GRIN2B: variants seen among roughly 807,000 people sequenced by gnomAD.
GRIN2B encodes the protein glutamate ionotropic receptor NMDA type subunit 2B.
Under a neutral mutation model 114.5 loss-of-function variants are expected in GRIN2B, and 5 were observed. The ratio of observed to expected loss-of-function variants is 0.04; its 90% CI spans 0.02 to 0.09. The LOEUF is 0.09. Among genes scored for constraint, GRIN2B ranks in the 10% least tolerant of loss-of-function variants. The probability of loss-of-function intolerance (pLI) is 1.00; values close to 1 mark genes in which losing one functional copy is unlikely to be tolerated. For synonymous variants in GRIN2B, 787 were observed against 745.1 expected, an observed-to-expected ratio of 1.06 and a Z score of -0.92; for missense variants, 1,108 against 1,943.5, an observed-to-expected ratio of 0.57 and a Z score of 8.08.
At chr12:13,879,746 C>T (rs1054202035) in intron 2 of GRIN2B, among the ~76,000 whole-genome samples, 4 of 152,236 alleles carry the variant, frequency 2.6e-5, no homozygotes, top group African/African-American at 9.6e-5. Flanking sequence ...ACAGTCAGTG[C>T]CTCCTTGTCC....
rs1948379360 is a variant in GRIN2B at position 13,548,941 on chromosome 12, C to G, written c.*13842G>C. 1.3e-5 allele frequency: 2 copies of G among 151,912 alleles called. No individual in the cohort carries two copies. Among genetic ancestry groups the G allele is most frequent in the Admixed American group, 1.3e-4 (2 of 15,240 alleles). 9.4% of individuals were successfully genotyped at this position (151,912 alleles called of 1,614,324 possible). Reference sequence around the variant, plus strand: ...TATAGAAGTCTCCTCACTCATTCATCTAAGGACTTTTCCATCTTCCTACCT... The same window carrying G: ...TATAGAAGTCTCCTCACTCATTCATGTAAGGACTTTTCCATCTTCCTACCT... On this transcript the variant is annotated 3_prime_UTR_variant, in exon 14 of 14. Transcript: ENST00000609686.
chr12:13,892,332 T>C (rs10492142), intron 2 of GRIN2B, among the ~76,000 whole-genome samples: 16,674 of 152,310 alleles, frequency 0.11, 1,603 homozygotes, highest in East Asian at 0.43. Flanking sequence ...TTTATGCTTA[T>C]ATGTCAAATC....
At chr12:13,801,436 G>T (rs1864510811) in intron 3 of GRIN2B, among the ~76,000 whole-genome samples, 1 of 152,134 alleles carries the variant, frequency 6.6e-6, no homozygotes, top group Admixed American at 6.6e-5. Flanking sequence ...AGAGCAAGAA[G>T]TCAAGAGAGT....
Position 13,859,525 on chromosome 12 carries a change from C to T in GRIN2B, c.411+6273G>A, listed in dbSNP as rs77099060. ...GTTTCCAGTGCCTTAGAGAGCACTGCCTACCCATCTTTCCCCAAAATATAG... is the reference window on the plus strand; with the variant it reads ...GTTTCCAGTGCCTTAGAGAGCACTGTCTACCCATCTTTCCCCAAAATATAG... On this transcript the variant is annotated intron_variant, in intron 3 of 13. Coordinates refer to ENST00000609686, the MANE Select transcript of GRIN2B (RefSeq NM_000834.5). 6.6e-3 allele frequency among the ~76,000 whole-genome samples: 1,008 copies of T among 152,306 alleles called. 15 individuals are homozygous for T. Among genetic ancestry groups the T allele is most frequent in the African/African-American group, 0.023 (964 of 41,560 alleles).
chr12:13,832,266 T>C (rs1407051496), intron 3 of GRIN2B, among the ~76,000 whole-genome samples: 1 of 152,260 alleles, frequency 6.6e-6, no homozygotes, highest in Non-Finnish European at 1.5e-5. Flanking sequence ...TCTGTGCTAC[T>C]TTTCATTCAG....
chr12:13,611,937 G>T, intron 8 of GRIN2B, 87 bp from the exon 9 acceptor site: 2 of 1,406,268 alleles, frequency 1.4e-6, no homozygotes, highest in African/African-American at 2.8e-5. Context: ...CATATTTTAG[G>T]GGGTGGGGAA....
intron 5 of GRIN2B, among the ~76,000 whole-genome samples, chr12:13,633,024 A>G (rs1160799180): frequency 6.6e-6 from 1 of 152,184 alleles, no homozygotes; most frequent in Non-Finnish European, 1.5e-5. Context: ...CCCTGCTGTC[A>G]GGTGACATTT....
At chr12:13,846,960 G>A (rs1865482723) in intron 3 of GRIN2B, among the ~76,000 whole-genome samples, 1 of 152,116 alleles carries the variant, frequency 6.6e-6, no homozygotes, top group African/African-American at 2.4e-5. Flanking sequence ...AGTGCAGGCA[G>A]AGGAAGGTTA....
chr12:13,699,274 G>T (rs1950290122), intron 4 of GRIN2B, among the ~76,000 whole-genome samples: 1 of 152,134 alleles, frequency 6.6e-6, no homozygotes. Flanking sequence ...GCAGTGCATT[G>T]TTGTGCTACA....
In GRIN2B at chr12:13,933,058, G is replaced by A. The variant is rs1040533733; in HGVS notation, c.-19+46870C>T. ...GGGCAGCTTCTCTTCCATAGCTACA[G>A]CTTACAGCTCTCACCAGACCCCTGA... On this transcript the variant is annotated intron_variant, in intron 2 of 13. Coordinates refer to ENST00000609686, the MANE Select transcript of GRIN2B (RefSeq NM_000834.5). Among the ~76,000 whole-genome samples, 18 of 151,922 alleles carry A rather than the reference G, an allele frequency of 1.2e-4. 1 individual carries two copies. The South Asian group carries it at 3.8e-3, about 32-fold the overall frequency.
At chr12:13,678,672 A>G (rs1950099420) in intron 4 of GRIN2B, among the ~76,000 whole-genome samples, 1 of 152,096 alleles carries the variant, frequency 6.6e-6, no homozygotes, top group South Asian at 2.1e-4. Flanking sequence ...CTCAGCTCTC[A>G]GCCCAGAGCG....
chr12:13,826,640 C>CT (rs538123942), intron 3 of GRIN2B, among the ~76,000 whole-genome samples: 5 of 151,262 alleles, frequency 3.3e-5, no homozygotes, highest in African/African-American at 7.3e-5. Flanking sequence ...TTGTTGTTTT[C>CT]TTTTTTTTAG....
intron 10 of GRIN2B, among the ~76,000 whole-genome samples, chr12:13,576,180 G>C (rs1273798727): frequency 6.6e-6 from 1 of 152,144 alleles, no homozygotes; most frequent in Non-Finnish European, 1.5e-5. Context: ...ACTGTCATTG[G>C]AACTTGAACT....
chr12:13,563,780 TC>T lies in GRIN2B; in HGVS notation c.3457del (p.Asp1153ThrfsTer49). On this transcript the variant is annotated frameshift_variant, in exon 14 of 14. Transcript: ENST00000609686. LOFTEE classifies it high-confidence loss of function. Reference protein sequence around the residue: ...SPHWEHVDLTDIYKERSDDFK... With the variant: ...SPHWEHVDLTXIYKERSDDFK... Reference sequence around the variant, plus strand: ...GTCATCACTCCGCTCCTTGTAGATGTCGGTCAGGTCTACGTGCTCCCAGTGG... The same window carrying T: ...GTCATCACTCCGCTCCTTGTAGATGTGGTCAGGTCTACGTGCTCCCAGTGG... 1 of 1,614,094 alleles carries T rather than the reference TC, an allele frequency of 6.2e-7. No individual in the cohort carries two copies. The highest frequency in any genetic ancestry group is 8.5e-7 in the Non-Finnish European group (1 of 1,180,026).
chr12:13,624,480 A>G (rs537458120), intron 5 of GRIN2B, among the ~76,000 whole-genome samples: 1 of 152,364 alleles, frequency 6.6e-6, no homozygotes, highest in South Asian at 2.1e-4. Flanking sequence ...CTGCTGCAGT[A>G]TCTAAAAAGG....
intron 3 of GRIN2B, among the ~76,000 whole-genome samples, chr12:13,835,293 C>A (rs377129606): frequency 1.3e-5 from 2 of 152,056 alleles, no homozygotes; most frequent in South Asian, 4.2e-4. Flanking sequence ...TTCCTGGGAT[C>A]CTAAAATGAG....
At chr12:13,642,542 A>C (rs1949729036) in intron 5 of GRIN2B, among the ~76,000 whole-genome samples, 1 of 152,166 alleles carries the variant, frequency 6.6e-6, no homozygotes, top group Admixed American at 6.6e-5. Flanking sequence ...TATTACATGT[A>C]TACTTTGATT....
intron 2 of GRIN2B, among the ~76,000 whole-genome samples, chr12:13,886,495 T>C (rs545859860): frequency 1.4e-4 from 22 of 152,310 alleles, no homozygotes; most frequent in Admixed American, 1.3e-3. Flanking sequence ...GGGTTGAGAC[T>C]ATCATTTGGG....
In GRIN2B at chr12:13,656,305, A is replaced by G. The variant is rs75558558; in HGVS notation, c.1125+19440T>C. Among the ~76,000 whole-genome samples the G allele has an allele frequency of 5.9e-3, 905 of 152,356 alleles. 2 individuals carry two copies. The highest frequency in any genetic ancestry group is 0.01 in the Middle Eastern group (3 of 294). On this transcript the variant is annotated intron_variant, in intron 5 of 13. Transcript: ENST00000609686. ...AAAGAGACAAATGGTCACACGTAAAACAGTATCTAGGATCACAGAATAAAA... is the reference window on the plus strand; with the variant it reads ...AAAGAGACAAATGGTCACACGTAAAGCAGTATCTAGGATCACAGAATAAAA...
Sources: gnomAD v4.1 joint callset for allele counts (sites outside exome capture counted in the v4.1 genomes callset) on GRCh38, gnomAD v4.1.1 for gene constraint, MANE v1.5 for transcripts, NCBI Gene and HGNC (gene_info 2026-07-23, HGNC 2026-07-21) for gene names.